Variants in FLNC observed in about 807,000 individuals in gnomAD.
FLNC encodes the protein filamin C.
A neutral mutation model predicts 254.3 loss-of-function variants in FLNC; 91 were observed. The observed-to-expected ratio is 0.36, with a 90% confidence interval of 0.30 to 0.43. The LOEUF (loss-of-function observed/expected upper bound fraction) is 0.43. Ranked by LOEUF, FLNC falls within the 20% of genes least tolerant of loss-of-function variation. The probability of loss-of-function intolerance (pLI) is 1.00; values close to 1 mark genes in which losing one functional copy is unlikely to be tolerated. For missense variants in FLNC, 2,853 were observed against 3,802.6 expected, an observed-to-expected ratio of 0.75 and a Z score of 6.57; for synonymous variants, 1,430 against 1,577.2, an observed-to-expected ratio of 0.91 and a Z score of 2.21.
rs1175392094 is a variant in FLNC at position 128,841,271 on chromosome 7, G to T, written c.1915G>T (p.Ala639Ser). The change falls in exon 12 of 48, where the codon GCT becomes TCT. Residue 639 changes from alanine to serine, a missense_variant. By Grantham distance (99) the Ala-to-Ser change is moderately conservative. Transcript: ENST00000325888. The surrounding 1 kb of genome is among the most constrained non-coding windows in gnomAD (Gnocchi z 4.3). ...RYWPTEPGEY[A>S]VHVICDDEDI... Reference sequence around the variant, plus strand: ...CTGGCCCACGGAGCCTGGGGAGTACGCTGTGCACGTCATCTGTGACGATGA... The same window carrying T: ...CTGGCCCACGGAGCCTGGGGAGTACTCTGTGCACGTCATCTGTGACGATGA... 3 of 1,614,058 alleles carry T rather than the reference G, an allele frequency of 1.9e-6. No homozygotes were observed. The highest frequency in any genetic ancestry group is 1.3e-5 in the African/African-American group (1 of 75,014).
At position 128,850,061 on chromosome 7, in the gene FLNC, G is replaced by A. The variant is rs779856224; in HGVS notation, c.5285G>A (p.Arg1762His). Reference sequence around the variant, plus strand: ...TACGCTCCTCCCCGGCCCGGCGCCCGCCCCACACACTGGGTACTGCGCCTC... The same window carrying A: ...TACGCTCCTCCCCGGCCCGGCGCCCACCCCACACACTGGGTACTGCGCCTC... Reference protein sequence around the residue: ...QPYAPPRPGARPTHWATEEPV... With the variant: ...QPYAPPRPGAHPTHWATEEPV... The change falls in exon 31 of 48, where the codon CGC becomes CAC. Residue 1762 changes from arginine to histidine, a missense_variant. By Grantham distance (29) the Arg-to-His change is conservative. Around this residue, in one of 10 missense-constraint regions of FLNC, gnomAD observed 258 missense variants for 312.3 expected, o/e 0.83. Transcript: ENST00000325888. 3.5e-5 allele frequency: 54 copies of A among 1,540,088 alleles called. No homozygotes were observed. The highest frequency in any genetic ancestry group is 8.2e-5 in the African/African-American group (6 of 73,306).
Position 128,856,444 on chromosome 7 carries a change from C to G in FLNC, c.7252-74C>G, listed in dbSNP as rs1274035752. 1 of 1,581,078 alleles carries G rather than the reference C, an allele frequency of 6.3e-7. No homozygotes were observed. Among genetic ancestry groups the G allele is most frequent in the Middle Eastern group, 1.9e-4 (1 of 5,300 alleles). On this transcript the variant is annotated intron_variant, in intron 43 of 47. Coordinates refer to ENST00000325888, the MANE Select transcript of FLNC (RefSeq NM_001458.5). This position sits in a 1 kb window ranked among gnomAD's most constrained non-coding sequence, Gnocchi z 5.9. The stretch of plus-strand genomic sequence containing the variant: ...TTTGGGCTGGGCTTACAGTGAGCAC[C>G]GTGTGGGGCTTCAGAGAAGACTGCT...
rs574118437 is a variant in FLNC at position 128,844,136 on chromosome 7, C to T, written c.3062C>T (p.Ala1021Val). ...TGCAAGCTGGAGCCAGGCGGTGGAG[C>T]GGAAGCCCAGGCTGTGCGCTACATG... ...IPCKLEPGGG[A>V]EAQAVRYMPP... The change falls in exon 20 of 48, where the codon GCG (alanine) becomes GTG (valine). Residue 1021 changes from alanine to valine, a missense_variant. Ala to Val is a moderately conservative substitution (Grantham distance 64). Transcript: ENST00000325888. 91 of 1,613,944 alleles carry T rather than the reference C, an allele frequency of 5.6e-5. No individual in the cohort carries two copies. Among genetic ancestry groups the T allele is most frequent in the Admixed American group, 1.0e-4 (6 of 60,024 alleles).
Position 128,851,643 on chromosome 7 carries a change from T to G in FLNC, c.5842+15T>G, listed in dbSNP as rs756375847. ...CAAGATCACAGGTGAGGCGGGTGTATGGGCATGTACAGCCCATGAGGCACA... is the reference window on the plus strand; with the variant it reads ...CAAGATCACAGGTGAGGCGGGTGTAGGGGCATGTACAGCCCATGAGGCACA... On this transcript the variant is annotated intron_variant, in intron 35 of 47. Coordinates refer to ENST00000325888, the MANE Select transcript of FLNC (RefSeq NM_001458.5). 1 of 1,613,326 alleles carries G rather than the reference T, an allele frequency of 6.2e-7. No individual in the cohort carries two copies. The highest frequency in any genetic ancestry group is 8.5e-7 in the Non-Finnish European group (1 of 1,179,828).
At chr7:128,840,441 G>A in intron 9 of FLNC, 107 bp from the exon 10 acceptor site, 3 of 1,487,586 alleles carry the variant, frequency 2.0e-6, no homozygotes, top group Non-Finnish European at 2.8e-6. Context: ...CTACAGCACT[G>A]CCCTCGGGCT....
intron 33 of FLNC, 42 bp from the exon 34 acceptor site, chr7:128,851,189 AT>A (rs1808794697): frequency 6.2e-7 from 1 of 1,613,356 alleles, no homozygotes; most frequent in East Asian, 2.2e-5. Flanking sequence ...GGCTCAGATA[AT>A]CCCTGATGCT....
In FLNC at chr7:128,843,328, C is replaced by A. The variant is rs1808418944; in HGVS notation, c.2641+9C>A. ...TGGGCTGAATCGCACAGGTGAGTGT[C>A]TGGGCAGGGGCTGGGACTGGCTCGA... On this transcript the variant is annotated intron_variant, in intron 17 of 47. Coordinates refer to ENST00000325888, the MANE Select transcript of FLNC (RefSeq NM_001458.5). The A allele has an allele frequency of 6.2e-7, 1 of 1,612,964 alleles. No homozygotes were observed. The highest frequency in any genetic ancestry group is 1.3e-5 in the African/African-American group (1 of 74,904).
rs3816884 is a variant in FLNC, at chr7:128,851,549, T to C, written c.5763T>C (p.Thr1921=). The C allele has an allele frequency of 0.081, 131,246 of 1,613,870 alleles. 14,730 individuals carry two copies. Among genetic ancestry groups the C allele is most frequent in the African/African-American group, 0.47 (35,518 of 74,986 alleles). The stretch of plus-strand genomic sequence containing the variant: ...CCTGCACCGTGTCCTATCTGCCGAC[T>C]GCGCCTGGAGACTACAGCATCATCG... ...DGTCTVSYLP[T]APGDYSIIVR... The change falls in exon 35 of 48, where the codon ACT becomes ACC. Residue 1921 remains threonine, a synonymous_variant. Transcript: ENST00000325888.
chr7:128,838,945 T>G (rs1808218388), intron 8 of FLNC, 142 bp downstream of exon 8: 2 of 724,548 alleles, frequency 2.8e-6, no homozygotes, highest in Non-Finnish European at 4.6e-6. Flanking sequence ...CTGGAGTTCC[T>G]AAGAGCACAG....
chr7:128,850,313 C>A, intron 31 of FLNC, 71 bp from the exon 32 acceptor site: 1 of 1,283,898 alleles, frequency 7.8e-7, no homozygotes, highest in Non-Finnish European at 1.1e-6. Flanking sequence ...CACTCTCCAG[C>A]TTCAGTCATA....
chr7:128,852,480 C>G (rs1808858678), intron 35 of FLNC, 111 bp from the exon 36 acceptor site: 2 of 1,256,816 alleles, frequency 1.6e-6, no homozygotes, highest in Non-Finnish European at 2.3e-6. Context: ...CTGGGAGTGG[C>G]CCCCCGTGTC....
chr7:128,834,878 T>C (rs1808036552), intron 1 of FLNC, among the ~76,000 whole-genome samples: 1 of 152,100 alleles, frequency 6.6e-6, no homozygotes, highest in South Asian at 2.1e-4. Flanking sequence ...TTATTCTCCA[T>C]CTGTGGTGAC....
chr7:128,856,484 C>T lies in FLNC; in HGVS notation c.7252-34C>T, dbSNP rs375843862. On this transcript the variant is annotated intron_variant, in intron 43 of 47. Transcript: ENST00000325888. This position sits in a 1 kb window ranked among gnomAD's most constrained non-coding sequence, Gnocchi z 5.9. ...AGAAGACTGCTCCAGCCCCGGCCTC[C>T]CAGGAGTCTGAGCATCCTCCGTGGC... The T allele has an allele frequency of 5.6e-6, 9 of 1,608,162 alleles. No homozygotes were observed. Among genetic ancestry groups the T allele is most frequent in the Non-Finnish European group, 5.1e-6 (6 of 1,179,934 alleles).
In FLNC at chr7:128,856,575, C is replaced by A; in HGVS notation, c.7309C>A (p.Arg2437=). ...CTTTGCCGTGCAGCTGAACGGTGCCCGGGGCGTGATTGATGCCCGGGTGCA... is the reference window on the plus strand; with the variant it reads ...CTTTGCCGTGCAGCTGAACGGTGCCAGGGGCGTGATTGATGCCCGGGTGCA... ...ASFAVQLNGA[R]GVIDARVHTP... The change falls in exon 44 of 48, where the codon CGG becomes AGG. Residue 2437 remains arginine, a synonymous_variant. Transcript: ENST00000325888. This position sits in a 1 kb window ranked among gnomAD's most constrained non-coding sequence, Gnocchi z 5.9. 6.2e-7 allele frequency: 1 copy of A among 1,612,844 alleles called. No homozygotes were observed. Among genetic ancestry groups the A allele is most frequent in the Non-Finnish European group, 8.5e-7 (1 of 1,180,000 alleles).
At chr7:128,832,378 G>C (rs909149534) in intron 1 of FLNC, among the ~76,000 whole-genome samples, 3 of 152,242 alleles carry the variant, frequency 2.0e-5, no homozygotes, top group African/African-American at 7.2e-5. Context: ...TGGAGGCTGA[G>C]GGGTCAGAGA....
At chr7:128,845,425 T>G in intron 21 of FLNC, among the ~76,000 whole-genome samples, 170 bp downstream of exon 21, 1 of 150,204 alleles carries the variant, frequency 6.7e-6, no homozygotes, top group Admixed American at 6.6e-5. Context: ...AGAGAAGGAG[T>G]GGAGGGGAAG....
chr7:128,833,330 G>A (rs1328694912), intron 1 of FLNC, among the ~76,000 whole-genome samples: 1 of 152,242 alleles, frequency 6.6e-6, no homozygotes, highest in Non-Finnish European at 1.5e-5. Flanking sequence ...GAGGCCTGGG[G>A]TGGCCTCGGG....
chr7:128,850,489 G>A lies in FLNC; in HGVS notation c.5398+6G>A, dbSNP rs746415033. 1.9e-6 allele frequency: 3 copies of A among 1,604,760 alleles called. No homozygotes were observed. The highest frequency in any genetic ancestry group is 2.6e-6 in the Non-Finnish European group (3 of 1,172,342). On this transcript the variant is annotated splice_donor_region_variant and intron_variant, in intron 32 of 47. Transcript: ENST00000325888. ...GCAGAAAGGGGAGCTCACAGGTACT[G>A]CCCTGTGGCTCCCAGGCATGAGGGC...
At chr7:128,849,111 C>G in intron 28 of FLNC, 70 bp from the exon 29 acceptor site, 1 of 1,483,280 alleles carries the variant, frequency 6.7e-7, no homozygotes, top group South Asian at 1.1e-5. Context: ...GCCCCTCCCT[C>G]CCTCACCCCC....
Sources: gnomAD v4.1 joint callset for allele counts (sites outside exome capture counted in the v4.1 genomes callset) on GRCh38, gnomAD v4.1.1 for gene constraint, gnomAD v4.1.1 regional missense constraint, Gnocchi (gnomAD v3.1) non-coding constraint, MANE v1.5 for transcripts, NCBI Gene and HGNC (gene_info 2026-07-23, HGNC 2026-07-21) for gene names.